The following PPP2R1B variants were observed in gnomAD, a reference collection of about 807,000 sequenced individuals.
The protein encoded by PPP2R1B is serine/threonine-protein phosphatase 2A 65 kDa regulatory subunit A beta isoform.
Under a neutral mutation model 72.7 loss-of-function variants are expected in PPP2R1B, and 58 were observed. The ratio of observed to expected loss-of-function variants is 0.80; its 90% CI spans 0.65 to 0.99. PPP2R1B has a LOEUF of 0.99. PPP2R1B is among the 50% of genes least tolerant of loss of function. The probability of loss-of-function intolerance (pLI) is 0.00; values close to 1 mark genes in which losing one functional copy is unlikely to be tolerated. For missense variants in PPP2R1B, 695 were observed against 733.6 expected, an observed-to-expected ratio of 0.95 and a Z score of 0.61; for synonymous variants, 256 against 264.6, an observed-to-expected ratio of 0.97 and a Z score of 0.32.
chr11:111,721,229 G>C, the PPP2R1B span, among the ~76,000 whole-genome samples: 1 of 152,140 alleles, frequency 6.6e-6, no homozygotes, highest in Admixed American at 6.5e-5. Flanking sequence ...GCCACTGACG[G>C]GTTCAACCCA....
chr11:111,740,829 A>G lies in PPP2R1B; in HGVS notation c.*767T>C. The G allele has an allele frequency of 2.0e-6, 2 of 985,350 alleles. No homozygotes were observed. Among genetic ancestry groups the G allele is most frequent in the Non-Finnish European group, 2.4e-6 (2 of 829,856 alleles). The allele number at this position is 985,350 out of a possible 1,614,324, so 61.0% of individuals were successfully genotyped here. ...TGCAATCTCACAATGAAACAAACATACTGCTTATTAGGAGGCACTACAGTT... is the reference window on the plus strand; with the variant it reads ...TGCAATCTCACAATGAAACAAACATGCTGCTTATTAGGAGGCACTACAGTT... On this transcript the variant is annotated 3_prime_UTR_variant, in exon 15 of 15. Coordinates refer to ENST00000527614, the MANE Select transcript of PPP2R1B (RefSeq NM_002716.5).
intron 15 of PPP2R1B, chr11:111,728,038 ACAATAT>A: frequency 6.6e-6 from 1 of 152,160 alleles, no homozygotes; most frequent in African/African-American, 2.4e-5. Flanking sequence ...TCCTATAGAG[ACAATAT>A]GCAGTGTGTC....
At chr11:111,726,887 A>G (rs1943985426), downstream of PPP2R1B, 11 of 1,322,862 alleles carry the variant, frequency 8.3e-6, no homozygotes, top group East Asian at 2.6e-4. Flanking sequence ...GATGAACGTG[A>G]GGTAAAAATT....
At chr11:111,716,232 A>G in the PPP2R1B span, among the ~76,000 whole-genome samples, 2 of 152,148 alleles carry the variant, frequency 1.3e-5, no homozygotes, top group Non-Finnish European at 2.9e-5. Context: ...TTTCGTGTCT[A>G]CTTACATTTT....
the PPP2R1B span, among the ~76,000 whole-genome samples, chr11:111,694,790 G>A: frequency 6.6e-6 from 1 of 152,024 alleles, no homozygotes; most frequent in Non-Finnish European, 1.5e-5. Context: ...CAAAGGGTTT[G>A]GTTTGATTTG....
In PPP2R1B at chr11:111,740,130, C is replaced by T. The variant is rs968651941; in HGVS notation, c.*1466G>A. 2 of 985,268 alleles carry T rather than the reference C, an allele frequency of 2.0e-6. No homozygotes were observed. Among genetic ancestry groups the T allele is most frequent in the African/African-American group, 3.5e-5 (2 of 57,244 alleles). 61.0% of individuals were successfully genotyped at this position (985,268 alleles called of 1,614,324 possible). On this transcript the variant is annotated 3_prime_UTR_variant, in exon 15 of 15. Coordinates refer to ENST00000527614, the MANE Select transcript of PPP2R1B (RefSeq NM_002716.5). Reference sequence around the variant, plus strand: ...AACCAAAAGGGTAACAAGCAAACCTCATAGCAAGATGCACTGAGAGAAAAA... The same window carrying T: ...AACCAAAAGGGTAACAAGCAAACCTTATAGCAAGATGCACTGAGAGAAAAA...
rs371128684 is a variant in PPP2R1B, at chr11:111,740,014, A to G, written c.*1582T>C. ...AAACTTGGTTTTATGTAACAAATAT[A>G]CAAAGTCTTAGAGGAGTCTTTGGGC... On this transcript the variant is annotated 3_prime_UTR_variant, in exon 15 of 15. Coordinates refer to ENST00000527614, the MANE Select transcript of PPP2R1B (RefSeq NM_002716.5). 26 of 982,362 alleles carry G rather than the reference A, an allele frequency of 2.6e-5. No homozygotes were observed. Among genetic ancestry groups the G allele is most frequent in the Non-Finnish European group, 2.9e-5 (24 of 827,228 alleles). 60.9% of individuals were successfully genotyped at this position (982,362 alleles called of 1,614,324 possible). A position where few individuals can be genotyped will look rare whatever the true frequency, so the allele number is the denominator to read the frequency against.
At chr11:111,734,455 T>C (rs1475132692), downstream of PPP2R1B, among the ~76,000 whole-genome samples, 1 of 152,210 alleles carries the variant, frequency 6.6e-6, no homozygotes, top group East Asian at 1.9e-4. Context: ...AGCTCCAGTG[T>C]GGAAAAGACT....
At chr11:111,758,640 T>C (rs1172810659) in intron 5 of PPP2R1B, among the ~76,000 whole-genome samples, 2 of 151,854 alleles carry the variant, frequency 1.3e-5, no homozygotes, top group East Asian at 3.9e-4. Flanking sequence ...AAGGCTGCGC[T>C]TACCATAAAA....
chr11:111,690,853 C>T, the PPP2R1B span, among the ~76,000 whole-genome samples: 1 of 152,148 alleles, frequency 6.6e-6, no homozygotes, highest in Non-Finnish European at 1.5e-5. Flanking sequence ...TGTATCCAGT[C>T]TATCATTGAC....
chr11:111,717,413 G>C, the PPP2R1B span, among the ~76,000 whole-genome samples: 1 of 147,026 alleles, frequency 6.8e-6, no homozygotes, highest in African/African-American at 2.5e-5. Context: ...ATGCCAGTCA[G>C]AATGGCAATT....
chr11:111,765,589 G>A (rs1945497110), intron 1 of PPP2R1B, among the ~76,000 whole-genome samples: 1 of 152,122 alleles, frequency 6.6e-6, no homozygotes, highest in South Asian at 2.1e-4. Flanking sequence ...GGATTTCCCA[G>A]GAGAAACACT....
chr11:111,723,652 C>T, downstream of PPP2R1B: 3 of 1,614,172 alleles, frequency 1.9e-6, no homozygotes, highest in Non-Finnish European at 1.7e-6. Context: ...CCCCACCGTT[C>T]AGCCTGACCC....
chr11:111,740,949 G>A lies in PPP2R1B; in HGVS notation c.*647C>T. On this transcript the variant is annotated 3_prime_UTR_variant, in exon 15 of 15. Transcript: ENST00000527614. ...TAGGCGTCAACATCACACATTAGCA[G>A]CAAGATGCAGCCACACTTCAGGTTT... The A allele has an allele frequency of 1.0e-6, 1 of 985,504 alleles. No individual in the cohort carries two copies. The highest frequency in any genetic ancestry group is 1.2e-6 in the Non-Finnish European group (1 of 829,970). The allele number at this position is 985,504 out of a possible 1,614,324, so 61.0% of individuals were successfully genotyped here.
the PPP2R1B span, chr11:111,701,132 C>A: frequency 7.7e-7 from 1 of 1,298,516 alleles, no homozygotes; most frequent in Non-Finnish European, 1.0e-6. This position sits in a 1 kb window ranked among gnomAD's most constrained non-coding sequence, Gnocchi z 4.2. Flanking sequence ...TCCCCATCCA[C>A]TGGACTATAA....
chr11:111,720,327 A>G, the PPP2R1B span: 1 of 833,202 alleles, frequency 1.2e-6, no homozygotes, highest in Non-Finnish European at 1.8e-6. Context: ...GAAGATGACT[A>G]AATTGGCCAG....
At chr11:111,760,030 T>C in intron 4 of PPP2R1B, 79 bp from the exon 5 acceptor site, 1 of 1,422,872 alleles carries the variant, frequency 7.0e-7, no homozygotes, top group Non-Finnish European at 9.5e-7. Context: ...AGACAGACTT[T>C]TAGAGGTTTT....
the PPP2R1B span, among the ~76,000 whole-genome samples, chr11:111,693,947 G>A: frequency 5.5e-4 from 84 of 152,288 alleles, no homozygotes; most frequent in Non-Finnish European, 1.1e-3. Flanking sequence ...CCTTGACCAC[G>A]TTTCCTGACT....
At chr11:111,696,028 C>T in the PPP2R1B span, among the ~76,000 whole-genome samples, 4 of 152,114 alleles carry the variant, frequency 2.6e-5, no homozygotes, top group East Asian at 3.8e-4. Context: ...TGGTCTGCTG[C>T]GGCTGGTTAA....
Sources: allele counts gnomAD v4.1 joint callset (sites outside exome capture counted in the v4.1 genomes callset), GRCh38; gene constraint gnomAD v4.1.1; non-coding constraint Gnocchi (gnomAD v3.1); transcripts MANE v1.5; gene names NCBI Gene and HGNC (gene_info 2026-07-23, HGNC 2026-07-21).